Variants in LITAF observed in about 807,000 individuals in gnomAD.
LITAF encodes the protein lipopolysaccharide-induced tumor necrosis factor-alpha factor.
Under a neutral mutation model 14.5 loss-of-function variants are expected in LITAF, and 9 were observed. The observed-to-expected ratio is 0.62, with a 90% confidence interval of 0.37 to 1.08. The LOEUF (loss-of-function observed/expected upper bound fraction) is 1.08. Among genes scored for constraint, LITAF ranks in the 50% least tolerant of loss-of-function variants. The probability of loss-of-function intolerance (pLI) is 0.01; values close to 1 mark genes in which losing one functional copy is unlikely to be tolerated. For synonymous variants in LITAF, 98 were observed against 88.2 expected (o/e 1.11, Z -0.62); for missense variants, 206 against 213.4 (o/e 0.97, Z 0.22).
intron 1 of LITAF, among the ~76,000 whole-genome samples, chr16:11,576,664 C>G (rs187676202): frequency 6.6e-6 from 1 of 152,044 alleles, no homozygotes; most frequent in Non-Finnish European, 1.5e-5. Flanking sequence ...CTGATGGCGG[C>G]TCCATCCCAC....
upstream of LITAF, among the ~76,000 whole-genome samples, chr16:11,639,898 C>T (rs1044117024): frequency 1.3e-5 from 2 of 152,260 alleles, no homozygotes; most frequent in East Asian, 3.9e-4. Flanking sequence ...TCTCAGCCCC[C>T]CAAGTAGCTG....
intron 1 of LITAF, 85 bp from the exon 2 acceptor site, chr16:11,556,820 G>A (rs2064278546): frequency 3.4e-6 from 4 of 1,191,524 alleles, no homozygotes; most frequent in Non-Finnish European, 4.9e-6. Context: ...TTTTCTTTCT[G>A]GCAAACAGAA....
At chr16:11,567,541 G>A (rs529762373) in intron 1 of LITAF, among the ~76,000 whole-genome samples, 34 of 152,182 alleles carry the variant, frequency 2.2e-4, no homozygotes, top group Non-Finnish European at 2.1e-4. Context: ...AAAAGCTGCC[G>A]CAGTCTCCAA....
intron 3 of LITAF, among the ~76,000 whole-genome samples, chr16:11,624,018 C>A (rs2038920000): frequency 6.6e-6 from 1 of 152,158 alleles, no homozygotes; most frequent in African/African-American, 2.4e-5. Context: ...GATGTGATGG[C>A]TCACACTTGT....
chr16:11,588,542 GA>G (rs1180880064), upstream of LITAF, among the ~76,000 whole-genome samples: 4 of 73,996 alleles, frequency 5.4e-5, no homozygotes, highest in Non-Finnish European at 1.1e-4. Flanking sequence ...GAAAGAAAAA[GA>G]AGAAAGAAAG....
chr16:11,620,199 A>G (rs868375980), intron 3 of LITAF, among the ~76,000 whole-genome samples: 1 of 151,522 alleles, frequency 6.6e-6, no homozygotes, highest in African/African-American at 2.4e-5. Flanking sequence ...GAAAAGAAAA[A>G]GAAAAGTAAT....
intron 3 of LITAF, among the ~76,000 whole-genome samples, chr16:11,552,912 G>A (rs374010898): frequency 2.9e-4 from 44 of 152,166 alleles, no homozygotes; most frequent in Middle Eastern, 3.4e-3. Flanking sequence ...TCAGGAGTTC[G>A]AGACCAGCCT....
chr16:11,627,938 AC>A (rs2141902528), intron 3 of LITAF, among the ~76,000 whole-genome samples: 1 of 149,560 alleles, frequency 6.7e-6, no homozygotes, highest in Non-Finnish European at 1.5e-5. Context: ...AATCATTTGA[AC>A]CCAGGAGGCG....
At chr16:11,629,393 G>A (rs1024501241) in intron 3 of LITAF, among the ~76,000 whole-genome samples, 1 of 152,204 alleles carries the variant, frequency 6.6e-6, no homozygotes. Context: ...AGGTGCAGGA[G>A]GAAGAACAGC....
At chr16:11,611,375 C>G (rs1179988404) in intron 3 of LITAF, among the ~76,000 whole-genome samples, 4 of 152,104 alleles carry the variant, frequency 2.6e-5, no homozygotes, top group Non-Finnish European at 5.9e-5. Context: ...CAGTTAAACT[C>G]AAATGTCAGA....
In LITAF at chr16:11,632,740, G is replaced by A. The variant is rs896285137; in HGVS notation, c.85+793C>T. Among the ~76,000 whole-genome samples, 8 of 152,196 alleles carry A rather than the reference G, an allele frequency of 5.3e-5. No individual in the cohort carries two copies. Among genetic ancestry groups the A allele is most frequent in the East Asian group, 1.9e-4 (1 of 5,182 alleles). ...GCCACTGGCTCTGCTGGCTCTGAGCGCAGAGTCCAGCCCCCATGCACATGA... is the reference window on the plus strand; with the variant it reads ...GCCACTGGCTCTGCTGGCTCTGAGCACAGAGTCCAGCCCCCATGCACATGA... On this transcript the variant is annotated intron_variant, in intron 3 of 3. Coordinates refer to the LITAF transcript ENST00000574848. The surrounding 1 kb of genome is among the most constrained non-coding windows in gnomAD (Gnocchi z 4.8).
Position 11,553,236 on chromosome 16 carries a change from T to C in LITAF, c.377+297A>G, listed in dbSNP as rs114252545. 8.2e-3 allele frequency among the ~76,000 whole-genome samples: 1,249 copies of C among 152,116 alleles called. 19 individuals are homozygous for C. The highest frequency in any genetic ancestry group is 0.027 in the African/African-American group (1,131 of 41,500). ...GAGTTTGAGACCAGCCTGGCCAAGA[T>C]GGTGAAATGCCAGCTCTACTAAAAA... On this transcript the variant is annotated intron_variant, in intron 3 of 3. Coordinates refer to ENST00000622633, the MANE Select transcript of LITAF (RefSeq NM_001136472.2). This position sits in a 1 kb window ranked among gnomAD's most constrained non-coding sequence, Gnocchi z 7.7.
intron 1 of LITAF, among the ~76,000 whole-genome samples, chr16:11,573,418 C>T (rs1162122941): frequency 6.6e-6 from 1 of 152,118 alleles, no homozygotes. Context: ...GCAACTCTTC[C>T]TCCAGAAATG....
chr16:11,628,935 C>G (rs375899169), intron 3 of LITAF, among the ~76,000 whole-genome samples: 60 of 152,366 alleles, frequency 3.9e-4, no homozygotes, highest in African/African-American at 1.3e-3. Flanking sequence ...CTTGGCCTCC[C>G]AAAGTGCTGG....
chr16:11,606,936 G>A (rs2064958078), intron 3 of LITAF, among the ~76,000 whole-genome samples: 1 of 152,192 alleles, frequency 6.6e-6, no homozygotes. Flanking sequence ...ACTGCGCCCG[G>A]CCTACTTCAC....
At chr16:11,613,093 G>A (rs1396465197) in intron 3 of LITAF, among the ~76,000 whole-genome samples, 2 of 152,144 alleles carry the variant, frequency 1.3e-5, no homozygotes, top group Non-Finnish European at 2.9e-5. Context: ...AGGCTGGAGT[G>A]CAGTGGTACA....
intron 3 of LITAF, among the ~76,000 whole-genome samples, chr16:11,608,990 C>A (rs934547570): frequency 8.5e-6 from 1 of 118,264 alleles, no homozygotes; most frequent in Admixed American, 8.4e-5. Flanking sequence ...CAAAAAAAAA[C>A]GCACCGAGTA....
At chr16:11,606,792 G>C (rs1169523402) in intron 3 of LITAF, among the ~76,000 whole-genome samples, 1 of 151,918 alleles carries the variant, frequency 6.6e-6, no homozygotes, top group African/African-American at 2.4e-5. Context: ...CCACCACCAT[G>C]CCCAGCTAAT....
intron 3 of LITAF, among the ~76,000 whole-genome samples, chr16:11,622,088 T>C (rs550057475): frequency 1.3e-5 from 2 of 152,282 alleles, no homozygotes; most frequent in South Asian, 4.1e-4. Flanking sequence ...GAGCTGTCGG[T>C]GGCTGATGAG....
Sources: gnomAD v4.1 joint callset for allele counts (sites outside exome capture counted in the v4.1 genomes callset) on GRCh38, gnomAD v4.1.1 for gene constraint, Gnocchi (gnomAD v3.1) non-coding constraint, MANE v1.5 for transcripts, NCBI Gene and HGNC (gene_info 2026-07-23, HGNC 2026-07-21) for gene names.